SACS: variants seen among roughly 807,000 people sequenced by gnomAD.
The protein encoded by SACS is sacsin.
A neutral mutation model predicts 348.0 loss-of-function variants in SACS; 197 were observed. The ratio of observed to expected loss-of-function variants is 0.57; its 90% confidence interval spans 0.50 to 0.64. The LOEUF (loss-of-function observed/expected upper bound fraction) is 0.64. Among genes scored for constraint, SACS ranks in the 30% least tolerant of loss-of-function variants. The probability of loss-of-function intolerance (pLI) is 0.00; values close to 1 mark genes in which losing one functional copy is unlikely to be tolerated. For missense variants in SACS, 4,999 were observed against 5,360.8 expected, an observed-to-expected ratio of 0.93 and a Z score of 2.11; for synonymous variants, 1,985 against 1,910.6, an observed-to-expected ratio of 1.04 and a Z score of -1.02.
chr13:23,375,849 A>G lies in SACS; in HGVS notation c.21-580T>C, dbSNP rs144028926. Among the ~76,000 whole-genome samples the G allele has an allele frequency of 1.4e-3, 212 of 152,328 alleles. 1 individual carries two copies. The highest frequency in any genetic ancestry group is 5.1e-3 in the African/African-American group (211 of 41,586). ...ATAAGGGTATACAGAGCGTACAGCT[A>G]GAGGACAGGTGCGTTGTCCCTTTTA... is the stretch of plus-strand genomic sequence containing the variant. On this transcript the variant is annotated intron_variant, in intron 2 of 9. Coordinates refer to ENST00000382292, the MANE Select transcript of SACS (RefSeq NM_014363.6).
intron 9 of SACS, among the ~76,000 whole-genome samples, chr13:23,347,327 GGT>G (rs1566075539): frequency 6.6e-6 from 1 of 152,036 alleles, no homozygotes; most frequent in Non-Finnish European, 1.5e-5. Flanking sequence ...GCTTGTCCAT[GGT>G]AACCAACAAT....
Position 23,340,665 on chromosome 13 carries a change from T to C in SACS, c.3211A>G (p.Thr1071Ala), listed in dbSNP as rs780263595. ...LKDLFCNEEGTYFPPSVFTSP... is the reference protein window; with the variant it reads ...LKDLFCNEEGAYFPPSVFTSP... ...GTAAAAACTGAGGGTGGGAAATAGG[T>C]TCCTTCTTCATTACAAAAGAGATCC... Residue 1071 changes from threonine to alanine, a missense_variant, in exon 10 of 10, where the codon ACC becomes GCC. Around this residue, in one of 6 missense-constraint regions of SACS, gnomAD observed 3,156 missense variants for 3,380.1 expected, o/e 0.93. Transcript: ENST00000382292. The C allele has an allele frequency of 6.3e-7, 1 of 1,597,310 alleles. No homozygotes were observed. The highest frequency in any genetic ancestry group is 1.8e-5 in the Admixed American group (1 of 56,392).
rs143843437 is a variant in SACS, at chr13:23,394,225, G to A, written c.20+16995C>T. On this transcript the variant is annotated intron_variant, in intron 2 of 9. Transcript: ENST00000382292. The stretch of plus-strand genomic sequence containing the variant: ...ATGGCCCTCTTTTCCACTATACCTC[G>A]TCCTGGGGCCCTGTCTTTGGCCTAC... Among the ~76,000 whole-genome samples the A allele has an allele frequency of 4.0e-3, 615 of 152,250 alleles. 5 individuals carry two copies. Among genetic ancestry groups the A allele is most frequent in the Non-Finnish European group, 5.2e-3 (352 of 68,020 alleles).
intron 2 of SACS, chr13:23,375,649 C>T (rs1483435542): frequency 2.4e-6 from 2 of 825,048 alleles, no homozygotes; most frequent in East Asian, 1.2e-4. Flanking sequence ...CCGCCCCGCC[C>T]CTCCCGCCAG....
chr13:23,332,540 A>C lies in SACS; in HGVS notation c.11336T>G (p.Phe3779Cys). The change falls in exon 10 of 10, where the codon TTC becomes TGC. Residue 3779 changes from phenylalanine to cysteine, a missense_variant. Phe to Cys is a radical substitution (Grantham distance 205, BLOSUM62 -2). Around this residue, in one of 6 missense-constraint regions of SACS, gnomAD observed 831 missense variants for 941.8 expected, o/e 0.88. Transcript: ENST00000382292. ...RAKVLRSIYE[F>C]LSAEKREFRF... Reference sequence around the variant, plus strand: ...AAATTCCCTTTTTTCTGCACTGAGGAATTCATATATGCTCCTTAAGACTTT... The same window carrying C: ...AAATTCCCTTTTTTCTGCACTGAGGCATTCATATATGCTCCTTAAGACTTT... 1.2e-6 allele frequency: 2 copies of C among 1,613,962 alleles called. No homozygotes were observed. The highest frequency in any genetic ancestry group is 1.7e-6 in the Non-Finnish European group (2 of 1,179,924).
chr13:23,346,241 G>A (rs1306558665), intron 9 of SACS, among the ~76,000 whole-genome samples: 1 of 152,172 alleles, frequency 6.6e-6, no homozygotes, highest in African/African-American at 2.4e-5. Context: ...TGCCGCCCGG[G>A]TTCAAGCAGT....
In SACS at chr13:23,335,382, C is replaced by T. The variant is rs200228400; in HGVS notation, c.8494G>A (p.Val2832Ile). Residue 2832 changes from valine (V) to isoleucine (I), a missense_variant, in exon 10 of 10, where the codon GTA (valine) becomes ATA (isoleucine). By Grantham distance (29) the Val-to-Ile change is conservative. Around this residue, in one of 6 missense-constraint regions of SACS, gnomAD observed 3,156 missense variants for 3,380.1 expected, o/e 0.93. Coordinates refer to ENST00000382292, the MANE Select transcript of SACS (RefSeq NM_014363.6). This position sits in a 1 kb window ranked among gnomAD's most constrained non-coding sequence, Gnocchi z 4.7. ...NRSGFSSMEK[V>I]SKSVISAHKN... ...TGAGCTGATATGACACTTTTAGATACTTTCTCCATACTTGAAAAGCCTGAT... is the reference window on the plus strand; with the variant it reads ...TGAGCTGATATGACACTTTTAGATATTTTCTCCATACTTGAAAAGCCTGAT... 5.6e-6 allele frequency: 9 copies of T among 1,613,906 alleles called. No individual in the cohort carries two copies. The East Asian group carries it at 1.8e-4, about 32-fold the overall frequency.
chr13:23,400,666 C>A (rs982665883), intron 2 of SACS, among the ~76,000 whole-genome samples: 1 of 152,152 alleles, frequency 6.6e-6, no homozygotes, highest in African/African-American at 2.4e-5. Flanking sequence ...GTGATCCGCC[C>A]GCCTCGGCCT....
chr13:23,426,509 G>C (rs1340110368), intron 1 of SACS, among the ~76,000 whole-genome samples: 1 of 152,086 alleles, frequency 6.6e-6, no homozygotes, highest in Admixed American at 6.6e-5. Context: ...GCATGATGGT[G>C]GGTGCCTGTA....
chr13:23,383,023 A>AC (rs1388053308), intron 2 of SACS, among the ~76,000 whole-genome samples: 5 of 149,740 alleles, frequency 3.3e-5, no homozygotes, highest in Admixed American at 6.7e-5. Context: ...TGGATAGAAA[A>AC]CATATTTTTA....
In SACS at chr13:23,337,862, CCAA is replaced by C; in HGVS notation, c.6011_6013del (p.Val2004del). 6.2e-7 allele frequency: 1 copy of C among 1,613,892 alleles called. No homozygotes were observed. The highest frequency in any genetic ancestry group is 8.5e-7 in the Non-Finnish European group (1 of 1,179,960). ...CAAAAATATCTTGAAGGCTGCTGAA[CCAA>C]CATCTCTTCTTTTAAGTATAGAGTC... On this transcript the variant is annotated inframe_deletion, in exon 10 of 10. Coordinates refer to ENST00000382292, the MANE Select transcript of SACS (RefSeq NM_014363.6).
chr13:23,416,878 G>A (rs2137979299), intron 1 of SACS, among the ~76,000 whole-genome samples: 1 of 152,192 alleles, frequency 6.6e-6, no homozygotes, highest in East Asian at 1.9e-4. Context: ...GGAGGGGGCA[G>A]CCAGAACAAG....
In SACS at chr13:23,329,844, C is replaced by A; in HGVS notation, c.*292G>T. On this transcript the variant is annotated 3_prime_UTR_variant, in exon 10 of 10. Transcript: ENST00000382292. ...GAGACATACATAGACTCTTATCTAA[C>A]AAACTGCTAAGCTTTGGTTATATAA... 2.0e-6 allele frequency: 1 copy of A among 499,106 alleles called. No individual in the cohort carries two copies. 30.9% of individuals were successfully genotyped at this position (499,106 alleles called of 1,614,324 possible).
In SACS at chr13:23,333,826, A is replaced by G; in HGVS notation, c.10050T>C (p.Cys3350=). ...TGGGGCTCTCTATATTTGCTGTGTG[A>G]CATGACAACAAAGGAACAAATGCAC... ...KDSAFVPLLS[C]HTANIESPTS... is the part of the protein sequence containing the mutation. Residue 3350 remains cysteine (C), a synonymous_variant, in exon 10 of 10, where the codon TGT becomes TGC. Transcript: ENST00000382292. 6.2e-7 allele frequency: 1 copy of G among 1,613,880 alleles called. No individual in the cohort carries two copies. Among genetic ancestry groups the G allele is most frequent in the African/African-American group, 1.3e-5 (1 of 75,030 alleles).
At chr13:23,392,621 GA>G (rs1410618256) in intron 2 of SACS, among the ~76,000 whole-genome samples, 15 of 152,160 alleles carry the variant, frequency 9.9e-5, no homozygotes, top group South Asian at 4.1e-4. Flanking sequence ...CTCATGATAT[GA>G]AAAAAGTAAC....
chr13:23,349,392 AC>A (rs1257003314), intron 9 of SACS, among the ~76,000 whole-genome samples: 10 of 152,352 alleles, frequency 6.6e-5, no homozygotes, highest in African/African-American at 2.4e-4. Context: ...GAGGATGAAG[AC>A]TAAAGTTTTG....
In SACS at chr13:23,355,826, T is replaced by C. The variant is rs772949325; in HGVS notation, c.786A>G (p.Ile262Met). The C allele has an allele frequency of 6.2e-7, 1 of 1,614,254 alleles. No individual in the cohort carries two copies. The stretch of plus-strand genomic sequence containing the variant: ...AAAATGTTCCTGGAAAATTGCCGTT[T>C]ATAAATGTTTCCTTGGTGCTTCCAA... ...GIFGSTKETFINGNFPGTFFR... is the reference protein window; with the variant it reads ...GIFGSTKETFMNGNFPGTFFR... Residue 262 changes from isoleucine to methionine, a missense_variant, in exon 8 of 10, where the codon ATA becomes ATG. Transcript: ENST00000382292.
intron 9 of SACS, among the ~76,000 whole-genome samples, chr13:23,352,149 G>C (rs1869996978): frequency 6.6e-6 from 1 of 152,140 alleles, no homozygotes; most frequent in Non-Finnish European, 1.5e-5. Flanking sequence ...ATTTGGCCCT[G>C]AATAACTTTT....
At position 23,335,597 on chromosome 13, in the gene SACS, T is replaced by C. The variant is rs1367284952; in HGVS notation, c.8279A>G (p.Asn2760Ser). ...TTTGCCCTTTACTGAATACAGCACA[T>C]TTAGAGCTCCAGTACTCTTATCTAT... ...CEIDKSTGAL[N>S]VLYSVKGKIT... Residue 2760 changes from asparagine to serine, a missense_variant, in exon 10 of 10, where the codon AAT (asparagine) becomes AGT (serine). By Grantham distance (46) the Asn-to-Ser change is conservative (BLOSUM62 1). Coordinates refer to ENST00000382292, the MANE Select transcript of SACS (RefSeq NM_014363.6). The surrounding 1 kb of genome is among the most constrained non-coding windows in gnomAD (Gnocchi z 4.7). The C allele has an allele frequency of 3.7e-6, 6 of 1,613,886 alleles. No homozygotes were observed. Among genetic ancestry groups the C allele is most frequent in the Non-Finnish European group, 4.2e-6 (5 of 1,179,882 alleles).
Sources: gnomAD v4.1 joint callset for allele counts (sites outside exome capture counted in the v4.1 genomes callset) on GRCh38, gnomAD v4.1.1 for gene constraint, gnomAD v4.1.1 regional missense constraint, Gnocchi (gnomAD v3.1) non-coding constraint, MANE v1.5 for transcripts, NCBI Gene and HGNC (gene_info 2026-07-23, HGNC 2026-07-21) for gene names.